The following USP16 variants were observed in gnomAD, a reference collection of about 807,000 sequenced individuals.
The protein encoded by USP16 is ubiquitin specific peptidase 16.
Under a neutral mutation model 95.9 loss-of-function variants are expected in USP16, and 77 were observed. The ratio of observed to expected loss-of-function variants is 0.80; its 90% CI spans 0.67 to 0.97. USP16 has a LOEUF of 0.97. Ranked by LOEUF, USP16 falls within the 50% of genes least tolerant of loss-of-function variation. The pLI, the probability that USP16 is intolerant of heterozygous loss-of-function variation, is 0.00. For missense variants in USP16, 943 were observed against 959.9 expected (o/e 0.98, Z 0.23); for synonymous variants, 303 against 318.2 (o/e 0.95, Z 0.51).
At chr21:29,035,031 T>A in intron 4 of USP16, 91 bp downstream of exon 4, 1 of 1,285,206 alleles carries the variant, frequency 7.8e-7, no homozygotes, top group Non-Finnish European at 1.1e-6. Context: ...GAAAGCAATT[T>A]AAAATTTTTG....
chr21:29,040,035 T>C (rs2085220109), intron 9 of USP16, among the ~76,000 whole-genome samples: 2 of 152,230 alleles, frequency 1.3e-5, no homozygotes, highest in African/African-American at 4.8e-5. Flanking sequence ...ATTTGGGGTA[T>C]GAATTAATGA....
At chr21:29,028,208 G>A (rs2085023315) in intron 2 of USP16, among the ~76,000 whole-genome samples, 1 of 147,668 alleles carries the variant, frequency 6.8e-6, no homozygotes, top group Non-Finnish European at 1.5e-5. Flanking sequence ...TGCAACCTCC[G>A]CCTCCCAGGT....
Position 29,034,960 on chromosome 21 carries a change from C to A in USP16, c.344+20C>A. ...TGTATGGTGAGTTTCAGTTCCTCTG[C>A]CTCTTGGGTGGAAATTATTTGAAAT... On this transcript the variant is annotated intron_variant, in intron 4 of 17. Coordinates refer to ENST00000399976, the MANE Select transcript of USP16 (RefSeq NM_006447.3). The A allele has an allele frequency of 6.3e-7, 1 of 1,585,010 alleles. No homozygotes were observed. Among genetic ancestry groups the A allele is most frequent in the East Asian group, 2.2e-5 (1 of 44,620 alleles).
intron 8 of USP16, 96 bp downstream of exon 8, chr21:29,039,252 T>G: frequency 8.4e-7 from 1 of 1,196,570 alleles, no homozygotes; most frequent in Non-Finnish European, 1.1e-6. Context: ...ATTAATAGCA[T>G]TACATTTAGT....
At chr21:29,026,222 G>C (rs1240903308) in intron 1 of USP16, among the ~76,000 whole-genome samples, 1 of 152,196 alleles carries the variant, frequency 6.6e-6, no homozygotes, top group African/African-American at 2.4e-5. Flanking sequence ...ACTTTGGGAG[G>C]CCGAGGCAGG....
At chr21:29,053,723 A>G in intron 16 of USP16, 79 bp from the exon 17 acceptor site, 4 of 1,433,616 alleles carry the variant, frequency 2.8e-6, no homozygotes, top group African/African-American at 1.4e-5. Flanking sequence ...GACCCTTTGC[A>G]TAGTGTAAAC....
chr21:29,045,296 T>A (rs2085306321), intron 13 of USP16, among the ~76,000 whole-genome samples: 1 of 152,206 alleles, frequency 6.6e-6, no homozygotes, highest in South Asian at 2.1e-4. Flanking sequence ...GTTCTTTCAG[T>A]TCTTTCTGTT....
intron 5 of USP16, 50 bp downstream of exon 5, chr21:29,036,424 T>C: frequency 6.6e-7 from 1 of 1,517,882 alleles, no homozygotes; most frequent in Non-Finnish European, 9.1e-7. Flanking sequence ...TTTGTGTATC[T>C]GCTGATACTT....
chr21:29,024,752 T>G lies in USP16; in HGVS notation c.-67T>G, dbSNP rs2084959320. 3 of 1,289,078 alleles carry G rather than the reference T, an allele frequency of 2.3e-6. No individual in the cohort carries two copies. The highest frequency in any genetic ancestry group is 2.0e-6 in the Non-Finnish European group (2 of 988,826). 79.9% of individuals were successfully genotyped at this position (1,289,078 alleles called of 1,614,324 possible). On this transcript the variant is annotated 5_prime_UTR_variant, in exon 1 of 18. An upstream start codon of the reference 5' UTR is lost. Coordinates refer to ENST00000399976, the MANE Select transcript of USP16 (RefSeq NM_006447.3). ...CCCAGCCCAAAGGCCCATGAGGGGATGCAGTTATGGGCTCTGTCGCCGTGG... is the reference window on the plus strand; with the variant it reads ...CCCAGCCCAAAGGCCCATGAGGGGAGGCAGTTATGGGCTCTGTCGCCGTGG...
Position 29,030,589 on chromosome 21 carries a change from T to C in USP16, c.62-6T>C. Reference sequence around the variant, plus strand: ...TATATTCCTTGTCTATTATTTGTTTTAATAGAACCTGTGTGCAGACACATT... The same window carrying C: ...TATATTCCTTGTCTATTATTTGTTTCAATAGAACCTGTGTGCAGACACATT... On this transcript the variant is annotated splice_region_variant and splice_polypyrimidine_tract_variant and intron_variant, in intron 2 of 17. Coordinates refer to ENST00000399976, the MANE Select transcript of USP16 (RefSeq NM_006447.3). 1.3e-6 allele frequency: 2 copies of C among 1,560,918 alleles called. No homozygotes were observed. Among genetic ancestry groups the C allele is most frequent in the Non-Finnish European group, 1.7e-6 (2 of 1,156,668 alleles).
chr21:29,038,579 A>G, intron 7 of USP16, 149 bp downstream of exon 7: 1 of 651,430 alleles, frequency 1.5e-6, no homozygotes, highest in Non-Finnish European at 2.7e-6. Context: ...AGGCTAATAG[A>G]AGTTATAAGG....
At chr21:29,043,175 TA>T (rs1418397237) in intron 12 of USP16, 4 of 258,580 alleles carry the variant, frequency 1.5e-5, no homozygotes, top group Non-Finnish European at 2.9e-5. Context: ...AATTTCGTTA[TA>T]TTTCTATTAC....
At chr21:29,042,140 A>G (rs1390366567) in intron 11 of USP16, 36 bp downstream of exon 11, 1 of 1,533,684 alleles carries the variant, frequency 6.5e-7, no homozygotes, top group African/African-American at 1.4e-5. Flanking sequence ...TTTATTTGCT[A>G]ATATTCAACA....
At position 29,034,879 on chromosome 21, in the gene USP16, T is replaced by C; in HGVS notation, c.283T>C (p.Tyr95His). The change falls in exon 4 of 18, where the codon TAT becomes CAT. Residue 95 changes from tyrosine to histidine, a missense_variant. Coordinates refer to ENST00000399976, the MANE Select transcript of USP16 (RefSeq NM_006447.3). ...TCAGGAGCAGCATGCCTTGAAGCAC[T>C]ATCTGACGCCAAGATCTGAACCTCA... ...NSQEQHALKH[Y>H]LTPRSEPHCL... 6.2e-7 allele frequency: 1 copy of C among 1,614,158 alleles called. No individual in the cohort carries two copies. Among genetic ancestry groups the C allele is most frequent in the Non-Finnish European group, 8.5e-7 (1 of 1,180,000 alleles).
At chr21:29,039,398 G>C (rs2085210835) in intron 8 of USP16, 83 bp from the exon 9 acceptor site, 11 of 1,434,266 alleles carry the variant, frequency 7.7e-6, no homozygotes, top group Non-Finnish European at 1.0e-5. Context: ...TGAGATTTGG[G>C]ATATGATCCT....
At chr21:29,024,817 T>G in intron 1 of USP16, 40 bp downstream of exon 1, 1 of 1,254,590 alleles carries the variant, frequency 8.0e-7, no homozygotes, top group East Asian at 5.7e-5. Context: ...GTCGCTCGCC[T>G]GGCTTTCTGC....
intron 10 of USP16, among the ~76,000 whole-genome samples, chr21:29,041,346 T>C (rs773109092): frequency 4.6e-5 from 7 of 152,200 alleles, no homozygotes; most frequent in Non-Finnish European, 1.0e-4. Context: ...AAAGTGTGGT[T>C]CTGCATAAAT....
intron 4 of USP16, 122 bp from the exon 5 acceptor site, chr21:29,036,149 A>G (rs1408595348): frequency 1.3e-6 from 1 of 748,852 alleles, no homozygotes. Context: ...CAGAATTTTT[A>G]CGTTCGGTTT....
At chr21:29,043,085 C>G (rs532318745) in intron 12 of USP16, 7 of 164,358 alleles carry the variant, frequency 4.3e-5, no homozygotes, top group African/African-American at 1.7e-4. Flanking sequence ...AAGAATACAC[C>G]GTGGTGACTT....
Sources: allele counts gnomAD v4.1 joint callset (sites outside exome capture counted in the v4.1 genomes callset), GRCh38; gene constraint gnomAD v4.1.1; transcripts MANE v1.5; gene names NCBI Gene and HGNC (gene_info 2026-07-23, HGNC 2026-07-21).